The following TMEM185A variants were observed in gnomAD, a reference collection of about 807,000 sequenced individuals.
The protein encoded by TMEM185A is transmembrane protein 185A.
In TMEM185A, 9 loss-of-function variants were observed where a neutral mutation model predicts 25.0. The ratio of observed to expected loss-of-function variants is 0.36; its 90% CI spans 0.22 to 0.63. The LOEUF (loss-of-function observed/expected upper bound fraction) is 0.63, where lower values mean the gene tolerates loss of function less well. TMEM185A is among the 20% of genes least tolerant of loss of function. TMEM185A has a pLI of 0.68. For synonymous variants in TMEM185A, 45 were observed against 93.5 expected, an observed-to-expected ratio of 0.48 and a Z score of 2.99; for missense variants, 103 against 237.4, an observed-to-expected ratio of 0.43 and a Z score of 3.72.
chrX:149,630,606 A>G (rs1557356517), intron 1 of TMEM185A, among the ~76,000 whole-genome samples: 1 of 112,140 alleles, frequency 8.9e-6, no homozygotes, highest in African/African-American at 3.2e-5. Flanking sequence ...AGGGCCAAAG[A>G]AGGGCAGAGA....
intron 1 of TMEM185A, among the ~76,000 whole-genome samples, chrX:149,620,920 T>C (rs782405977): frequency 4.5e-5 from 5 of 111,558 alleles, no homozygotes; most frequent in Non-Finnish European, 9.4e-5. Context: ...AGAAATGGAG[T>C]TATCACCACA....
chrX:149,611,491 G>A (rs1557354499), intron 1 of TMEM185A, 28 bp from the exon 2 acceptor site: 2 of 1,157,151 alleles, frequency 1.7e-6, no homozygotes, highest in South Asian at 2.0e-5. Flanking sequence ...CGATTAAGAA[G>A]GATTCACTTT....
chrX:149,608,964 A>G (rs1557354079), intron 2 of TMEM185A, 130 bp from the exon 3 acceptor site: 1 of 579,259 alleles, frequency 1.7e-6, no homozygotes, highest in Admixed American at 4.0e-5. Context: ...AGCAAAGGGA[A>G]ATCAGGTAGA....
intron 1 of TMEM185A, among the ~76,000 whole-genome samples, chrX:149,612,830 T>C (rs1448091282): frequency 1.8e-5 from 2 of 112,160 alleles, no homozygotes; most frequent in African/African-American, 3.2e-5. Flanking sequence ...CTTTGCTTGC[T>C]GTCACGCAGC....
At position 149,597,202 on chromosome X, in the gene TMEM185A, T is replaced by G; in HGVS notation, c.*809A>C. The stretch of plus-strand genomic sequence containing the variant: ...CCAGGGCAGAAGTGGCAATGTCCCA[T>G]GAAGGCGTGGCACCCCACGGGGGGG... On this transcript the variant is annotated 3_prime_UTR_variant, in exon 7 of 7. Transcript: ENST00000600449. The G allele has an allele frequency of 2.4e-5, 2 of 81,915 alleles. No individual in the cohort carries two copies. Among genetic ancestry groups the G allele is most frequent in the African/African-American group, 4.6e-5 (1 of 21,577 alleles). 6.8% of individuals were successfully genotyped at this position (81,915 alleles called of 1,213,427 possible). A position where few individuals can be genotyped will look rare whatever the true frequency, so the allele number is the denominator to read the frequency against.
rs1320659222 is a variant in TMEM185A at position 149,611,138 on chromosome X, A to C, written c.215+149T>G. ...ACATACCAAAGACTAAATTTTCAAA[A>C]ACACAGAAGAGATCTGTTAGCTTAT... On this transcript the variant is annotated intron_variant, in intron 2 of 6. Coordinates refer to ENST00000600449, the MANE Select transcript of TMEM185A (RefSeq NM_032508.4). 5.2e-6 allele frequency: 3 copies of C among 579,970 alleles called. No homozygotes were observed. The African/African-American group carries it at 6.9e-5, about 13-fold the overall frequency. 47.8% of individuals were successfully genotyped at this position (579,970 alleles called of 1,213,427 possible).
intron 1 of TMEM185A, among the ~76,000 whole-genome samples, chrX:149,614,713 T>C (rs1490085908): frequency 9.1e-6 from 1 of 109,721 alleles, no homozygotes; most frequent in Non-Finnish European, 1.9e-5. Flanking sequence ...TAAAAAAGAG[T>C]AGGCTCAAAT....
chrX:149,601,515 A>T (rs2090017595), intron 4 of TMEM185A: 1 of 97,828 alleles, frequency 1.0e-5, no homozygotes, highest in Non-Finnish European at 2.0e-5. Context: ...GCATCGCGAG[A>T]CAAGTAACCT....
intron 1 of TMEM185A, among the ~76,000 whole-genome samples, chrX:149,624,527 G>A (rs887482725): frequency 1.8e-5 from 2 of 111,067 alleles, no homozygotes; most frequent in Non-Finnish European, 3.8e-5. Flanking sequence ...GCACATACAC[G>A]CGCATTAACA....
chrX:149,618,928 AC>A (rs1403133551), intron 1 of TMEM185A, among the ~76,000 whole-genome samples: 1 of 111,961 alleles, frequency 8.9e-6, no homozygotes, highest in Non-Finnish European at 1.9e-5. Context: ...GTTCAAGTAT[AC>A]AAAGAAAATC....
chrX:149,615,296 C>A (rs138048654), intron 1 of TMEM185A, among the ~76,000 whole-genome samples: 19 of 111,463 alleles, frequency 1.7e-4, no homozygotes, highest in Non-Finnish European at 3.2e-4. Flanking sequence ...AAGTTAAAAG[C>A]GTTAAACAAA....
At chrX:149,603,234 T>C (rs950635317) in intron 4 of TMEM185A, among the ~76,000 whole-genome samples, 9 of 111,714 alleles carry the variant, frequency 8.1e-5, no homozygotes, top group African/African-American at 2.9e-4. Flanking sequence ...GTAACTGAAG[T>C]CACAGTTTAG....
intron 1 of TMEM185A, among the ~76,000 whole-genome samples, chrX:149,619,913 T>C (rs1474875903): frequency 8.9e-6 from 1 of 111,936 alleles, no homozygotes; most frequent in African/African-American, 3.3e-5. Flanking sequence ...TGTTGGACAT[T>C]TGGGTTGGTT....
At position 149,613,661 on chromosome X, in the gene TMEM185A, G is replaced by A. The variant is rs782655460; in HGVS notation, c.39-2198C>T. 3.6e-5 allele frequency among the ~76,000 whole-genome samples: 4 copies of A among 112,356 alleles called. No individual in the cohort carries two copies. The South Asian group carries it at 1.5e-3, about 42-fold the overall frequency. ...GGACTTCTGACCTAAAGAACTGAGA[G>A]TAATTTGTCATGGTAACAGCAGAAA... On this transcript the variant is annotated intron_variant, in intron 1 of 6. Transcript: ENST00000600449.
intron 1 of TMEM185A, among the ~76,000 whole-genome samples, chrX:149,613,005 G>A (rs782198149): frequency 5.4e-5 from 6 of 111,487 alleles, no homozygotes; most frequent in South Asian, 7.7e-4. Flanking sequence ...AAAGTTCTCC[G>A]CTTTTAAGAG....
Position 149,631,723 on chromosome X carries a change from T to C in TMEM185A, c.-143A>G, listed in dbSNP as rs868927082. 6.0e-5 allele frequency: 27 copies of C among 450,517 alleles called. No individual in the cohort carries two copies. The highest frequency in any genetic ancestry group is 3.7e-4 in the East Asian group (6 of 16,024). 37.1% of individuals were successfully genotyped at this position (450,517 alleles called of 1,213,427 possible). On this transcript the variant is annotated 5_prime_UTR_variant, in exon 1 of 7. Coordinates refer to ENST00000600449, the MANE Select transcript of TMEM185A (RefSeq NM_032508.4). The stretch of plus-strand genomic sequence containing the variant: ...GCTACTGCTGCCGTCCCCGCTGCCG[T>C]CGCCGTCGCCGTCGCCGCCGCCGCC...
At chrX:149,607,705 CAG>C (rs1557353753) in intron 3 of TMEM185A, among the ~76,000 whole-genome samples, 1 of 112,156 alleles carries the variant, frequency 8.9e-6, no homozygotes, top group African/African-American at 3.2e-5. Flanking sequence ...TAAACAAACA[CAG>C]GGGCACATCA....
chrX:149,603,961 A>G (rs1056648564), intron 4 of TMEM185A, 26 bp downstream of exon 4: 12 of 1,164,268 alleles, frequency 1.0e-5, no homozygotes, highest in Middle Eastern at 5.3e-4. Context: ...AAAGAACTTT[A>G]TTTAAGGATT....
At chrX:149,626,881 G>A (rs1557356090) in intron 1 of TMEM185A, among the ~76,000 whole-genome samples, 1 of 112,295 alleles carries the variant, frequency 8.9e-6, no homozygotes, top group South Asian at 3.7e-4. Context: ...GTGTAGCAAA[G>A]AGTAACAGAG....
Sources: gnomAD v4.1 joint callset for allele counts (sites outside exome capture counted in the v4.1 genomes callset) on GRCh38, gnomAD v4.1.1 for gene constraint, MANE v1.5 for transcripts, NCBI Gene and HGNC (gene_info 2026-07-23, HGNC 2026-07-21) for gene names.